Variants in RBFOX1 observed in about 807,000 individuals in gnomAD.
RBFOX1 encodes the protein RNA binding fox-1 homolog 1.
A neutral mutation model predicts 57.7 loss-of-function variants in RBFOX1; 8 were observed. The observed-to-expected ratio is 0.14, with a 90% CI of 0.08 to 0.25. The LOEUF (loss-of-function observed/expected upper bound fraction) is 0.25. Ranked by LOEUF, RBFOX1 falls within the 10% of genes least tolerant of loss-of-function variation. The probability of loss-of-function intolerance (pLI) is 1.00; values close to 1 mark genes in which losing one functional copy is unlikely to be tolerated. For missense variants in RBFOX1, 611 were observed against 548.5 expected (o/e 1.11, Z -1.14); for synonymous variants, 326 against 222.4 (o/e 1.47, Z -4.15).
intron 1 of RBFOX1, among the ~76,000 whole-genome samples, chr16:6,033,891 G>A (rs1206853045): frequency 1.3e-5 from 2 of 152,174 alleles, no homozygotes; most frequent in Admixed American, 1.3e-4. Context: ...GTTGGTGGAT[G>A]AATGGGGTTT....
At chr16:6,069,981 T>G (rs113658982) in intron 1 of RBFOX1, among the ~76,000 whole-genome samples, 8,775 of 152,254 alleles carry the variant, frequency 0.058, 795 homozygotes, top group African/African-American at 0.2. Flanking sequence ...AGGGAGATTC[T>G]GTCTCAACAA....
At chr16:5,909,984 C>T (rs7193034) in intron 4 of RBFOX1, among the ~76,000 whole-genome samples, 1,797 of 151,890 alleles carry the variant, frequency 0.012, 35 homozygotes, top group African/African-American at 0.04. Flanking sequence ...ACCTGGGAGG[C>T]GGAGGTTGCA....
At chr16:5,259,691 T>A (rs1280998483) in intron 1 of RBFOX1, among the ~76,000 whole-genome samples, 1 of 152,194 alleles carries the variant, frequency 6.6e-6, no homozygotes, top group East Asian at 1.9e-4. Flanking sequence ...CATGAGTTAA[T>A]GTGATTTATT....
At chr16:7,409,858 A>G (rs1280216855) in intron 4 of RBFOX1, among the ~76,000 whole-genome samples, 2 of 152,292 alleles carry the variant, frequency 1.3e-5, no homozygotes, top group South Asian at 2.1e-4. Flanking sequence ...AGGCTGGGCA[A>G]TGAAGAAATT....
chr16:7,367,433 C>T (rs2097476587), intron 4 of RBFOX1, among the ~76,000 whole-genome samples: 2 of 152,312 alleles, frequency 1.3e-5, no homozygotes, highest in South Asian at 4.1e-4. Flanking sequence ...AGTCCTTAGG[C>T]ACATGTTTGA....
intron 4 of RBFOX1, among the ~76,000 whole-genome samples, chr16:5,896,844 A>G (rs1275675937): frequency 2.0e-5 from 3 of 152,050 alleles, no homozygotes; most frequent in African/African-American, 7.2e-5. Flanking sequence ...CATCAACAGC[A>G]TCACTATAGT....
chr16:7,665,623 A>G (rs972332041), intron 13 of RBFOX1, among the ~76,000 whole-genome samples: 9 of 152,308 alleles, frequency 5.9e-5, no homozygotes, highest in African/African-American at 1.9e-4. Flanking sequence ...TATGAGAACA[A>G]GAATTTAACT....
chr16:5,966,039 A>T (rs1596312412), intron 4 of RBFOX1, among the ~76,000 whole-genome samples: 1 of 151,840 alleles, frequency 6.6e-6, no homozygotes, highest in South Asian at 2.1e-4. Context: ...GGTTTTCCTT[A>T]TTTTTCGTCT....
chr16:5,765,925 C>G (rs1448527158), intron 3 of RBFOX1, among the ~76,000 whole-genome samples: 1 of 152,158 alleles, frequency 6.6e-6, no homozygotes. Context: ...CTCTGGTGTT[C>G]CACCACTACC....
At position 6,364,228 on chromosome 16, in the gene RBFOX1, G is replaced by C. The variant is rs1380529158; in HGVS notation, c.-64+47171G>C. On this transcript the variant is annotated intron_variant, in intron 2 of 15. Transcript: ENST00000550418. ...TCGAAGATGCTGGCAGAATTCAAAA[G>C]TGCTTTCTCCACACAGTATAAAGCC... is the stretch of plus-strand genomic sequence containing the variant. 2.0e-5 allele frequency among the ~76,000 whole-genome samples: 3 copies of C among 152,182 alleles called. No homozygotes were observed. The East Asian group carries it at 5.8e-4, about 29-fold the overall frequency.
chr16:7,435,504 A>T (rs1199862315), intron 4 of RBFOX1, among the ~76,000 whole-genome samples: 1 of 152,208 alleles, frequency 6.6e-6, no homozygotes, highest in Non-Finnish European at 1.5e-5. Context: ...CACTATGAGC[A>T]GTTGACACTT....
chr16:6,837,878 A>C (rs1469396050), intron 3 of RBFOX1, among the ~76,000 whole-genome samples: 2 of 152,126 alleles, frequency 1.3e-5, no homozygotes, highest in Non-Finnish European at 2.9e-5. Flanking sequence ...AGAGGCACTG[A>C]AAGCATGCCC....
chr16:7,557,576 T>G (rs2088974616), intron 5 of RBFOX1, among the ~76,000 whole-genome samples: 1 of 118,728 alleles, frequency 8.4e-6, no homozygotes, highest in Non-Finnish European at 1.6e-5. Context: ...GCCAAGACTG[T>G]ACCACTGCAC....
chr16:7,597,454 C>A (rs375351589), intron 9 of RBFOX1, 23 bp downstream of exon 9: 1 of 1,556,518 alleles, frequency 6.4e-7, no homozygotes, highest in Admixed American at 1.8e-5. Flanking sequence ...TGGCCTTTTA[C>A]AAGAAATTCT....
At chr16:5,756,147 A>G (rs1452431300) in intron 3 of RBFOX1, among the ~76,000 whole-genome samples, 1 of 148,466 alleles carries the variant, frequency 6.7e-6, no homozygotes, top group Non-Finnish European at 1.5e-5. Flanking sequence ...CTTACAAACC[A>G]GAAGGTTCCA....
intron 1 of RBFOX1, among the ~76,000 whole-genome samples, chr16:6,022,892 A>G (rs914274448): frequency 6.6e-6 from 1 of 152,188 alleles, no homozygotes; most frequent in African/African-American, 2.4e-5. Context: ...GTACCCTGTG[A>G]AAAGATTTCT....
intron 1 of RBFOX1, among the ~76,000 whole-genome samples, chr16:5,393,498 C>G (rs957160108): frequency 1.3e-5 from 2 of 152,142 alleles, no homozygotes; most frequent in African/African-American, 2.4e-5. Flanking sequence ...GAACTGGTGA[C>G]CAGGGACATC....
chr16:6,577,285 C>G (rs958849177), intron 2 of RBFOX1: 4 of 152,170 alleles, frequency 2.6e-5, no homozygotes, highest in African/African-American at 9.7e-5. Flanking sequence ...TAATGGAACA[C>G]TACATATTTT....
chr16:6,967,971 G>A (rs2084654120), intron 3 of RBFOX1, among the ~76,000 whole-genome samples: 1 of 152,278 alleles, frequency 6.6e-6, no homozygotes, highest in Non-Finnish European at 1.5e-5. Context: ...GGGGAGAGAG[G>A]TTGGCAGTTC....
Sources: allele counts gnomAD v4.1 joint callset (sites outside exome capture counted in the v4.1 genomes callset), GRCh38; gene constraint gnomAD v4.1.1; transcripts MANE v1.5; gene names NCBI Gene and HGNC (gene_info 2026-07-23, HGNC 2026-07-21).